The following FBXL7 variants were observed in gnomAD, a reference collection of about 807,000 sequenced individuals.
FBXL7 encodes F-box and leucine rich repeat protein 7, also known as F-box/LRR-repeat protein 7.
Under a neutral mutation model 38.3 loss-of-function variants are expected in FBXL7, and 12 were observed. The ratio of observed to expected loss-of-function variants is 0.31; its 90% CI spans 0.20 to 0.51. The LOEUF (loss-of-function observed/expected upper bound fraction) is 0.51, where lower values mean the gene tolerates loss of function less well. Ranked by LOEUF, FBXL7 falls within the 20% of genes least tolerant of loss-of-function variation. The pLI, the probability that FBXL7 is intolerant of heterozygous loss-of-function variation, is 0.98. For missense variants in FBXL7, 567 were observed against 676.4 expected (o/e 0.84, Z 1.79); for synonymous variants, 297 against 300.9 (o/e 0.99, Z 0.13).
intron 1 of FBXL7, among the ~76,000 whole-genome samples, chr5:15,568,490 C>A (rs1285302014): frequency 6.6e-6 from 1 of 151,922 alleles, no homozygotes; most frequent in Admixed American, 6.6e-5. Context: ...TGGATATTAG[C>A]CCTTTGTCAG....
chr5:15,637,659 C>T (rs1340789329), intron 2 of FBXL7, among the ~76,000 whole-genome samples: 1 of 152,086 alleles, frequency 6.6e-6, no homozygotes, highest in East Asian at 1.9e-4. Context: ...ACTCATTTAA[C>T]CCCAGAACCA....
At chr5:15,650,806 TGCA>T (rs1741683914) in intron 2 of FBXL7, among the ~76,000 whole-genome samples, 1 of 152,236 alleles carries the variant, frequency 6.6e-6, no homozygotes, top group Non-Finnish European at 1.5e-5. Flanking sequence ...ATCATGAGAT[TGCA>T]GCAATTCAGT....
chr5:15,931,852 T>G (rs1742044902), intron 3 of FBXL7, among the ~76,000 whole-genome samples: 1 of 152,140 alleles, frequency 6.6e-6, no homozygotes. Flanking sequence ...AACAGACTTT[T>G]CATTGCTTAA....
intron 2 of FBXL7, among the ~76,000 whole-genome samples, chr5:15,689,793 G>C (rs1743129066): frequency 6.6e-6 from 1 of 152,096 alleles, no homozygotes; most frequent in Non-Finnish European, 1.5e-5. Context: ...AACTTAAATG[G>C]CTGTCCCATT....
At position 15,539,864 on chromosome 5, in the gene FBXL7, C is replaced by A. The variant is rs529496643; in HGVS notation, c.37+39151C>A. On this transcript the variant is annotated intron_variant, in intron 1 of 3. Coordinates refer to ENST00000504595, the MANE Select transcript of FBXL7 (RefSeq NM_012304.5). ...TAAACAATTGTTTATAAGAATCCTG[C>A]ATTTTATTCTGTTTATGGATTTTTA... Among the ~76,000 whole-genome samples the A allele has an allele frequency of 5.3e-5, 8 of 152,166 alleles. No individual in the cohort carries two copies. The East Asian group carries it at 1.5e-3, about 29-fold the overall frequency.
At chr5:15,732,355 A>G (rs1157000660) in intron 2 of FBXL7, among the ~76,000 whole-genome samples, 5 of 152,222 alleles carry the variant, frequency 3.3e-5, no homozygotes, top group Non-Finnish European at 4.4e-5. Context: ...TATGGTTTAT[A>G]ATTTTTACTA....
chr5:15,639,885 ATTG>A (rs1741302725), intron 2 of FBXL7, among the ~76,000 whole-genome samples: 1 of 152,060 alleles, frequency 6.6e-6, no homozygotes, highest in Non-Finnish European at 1.5e-5. Flanking sequence ...GCTGAGTTCT[ATTG>A]TTCTTGCTTC....
intron 2 of FBXL7, among the ~76,000 whole-genome samples, chr5:15,835,428 G>A (rs1009253245): frequency 2.5e-4 from 38 of 152,198 alleles, no homozygotes; most frequent in African/African-American, 8.2e-4. Context: ...TATAATATGC[G>A]ATAGAATTTT....
chr5:15,533,503 A>G lies in FBXL7; in HGVS notation c.37+32790A>G, dbSNP rs905071027. On this transcript the variant is annotated intron_variant, in intron 1 of 3. Transcript: ENST00000504595. Reference sequence around the variant, plus strand: ...AATGGGTAAAGGAGCCATAATTTTCATCAGATTCTGAGTCAGGATACTTTA... The same window carrying G: ...AATGGGTAAAGGAGCCATAATTTTCGTCAGATTCTGAGTCAGGATACTTTA... Among the ~76,000 whole-genome samples the G allele has an allele frequency of 7.2e-5, 11 of 152,336 alleles. No homozygotes were observed. In the East Asian group the frequency reaches 2.1e-3, roughly 29 times the overall value.
intron 1 of FBXL7, among the ~76,000 whole-genome samples, chr5:15,527,121 T>C (rs1025188376): frequency 2.6e-5 from 4 of 152,228 alleles, no homozygotes; most frequent in African/African-American, 4.8e-5. Context: ...CTGTTTTGTT[T>C]CTCTCCATTT....
At chr5:15,518,424 C>T (rs16903898) in intron 1 of FBXL7, among the ~76,000 whole-genome samples, 4,799 of 152,222 alleles carry the variant, frequency 0.032, 248 homozygotes, top group African/African-American at 0.11. Flanking sequence ...AGATGCTATT[C>T]GTGAGCCCTC....
chr5:15,935,742 G>A (rs1039430064), intron 3 of FBXL7, among the ~76,000 whole-genome samples: 3 of 152,182 alleles, frequency 2.0e-5, no homozygotes, highest in African/African-American at 7.2e-5. Context: ...AGGTCACCTT[G>A]CTAGACTAAT....
At chr5:15,623,249 C>T (rs777785798) in intron 2 of FBXL7, among the ~76,000 whole-genome samples, 2 of 152,138 alleles carry the variant, frequency 1.3e-5, no homozygotes, top group African/African-American at 4.8e-5. Flanking sequence ...AAAGGATCTG[C>T]CCCGTAGGTA....
intron 1 of FBXL7, among the ~76,000 whole-genome samples, chr5:15,531,969 C>T (rs1737445528): frequency 6.6e-6 from 1 of 152,114 alleles, no homozygotes; most frequent in Non-Finnish European, 1.5e-5. Flanking sequence ...CATCTCTAAA[C>T]CATAGTATCT....
intron 2 of FBXL7, among the ~76,000 whole-genome samples, chr5:15,739,211 T>A (rs892735094): frequency 2.0e-5 from 3 of 152,138 alleles, no homozygotes; most frequent in African/African-American, 7.2e-5. Flanking sequence ...GGGACAGGAT[T>A]TCAGACTCCT....
Position 15,928,724 on chromosome 5 carries a change from T to A in FBXL7, c.739+223T>A, listed in dbSNP as rs62348106. Among the ~76,000 whole-genome samples, 16,224 of 152,076 alleles carry A rather than the reference T, an allele frequency of 0.11. 2,880 individuals carry two copies. Among genetic ancestry groups the A allele is most frequent in the African/African-American group, 0.37 (15,207 of 41,378 alleles). ...ATAATGTCCACTTCTTTTTTTTTTATTATTATACTTTAAGTTTTAGGGTAC... is the reference window on the plus strand; with the variant it reads ...ATAATGTCCACTTCTTTTTTTTTTAATATTATACTTTAAGTTTTAGGGTAC... On this transcript the variant is annotated intron_variant, in intron 3 of 3. Coordinates refer to ENST00000504595, the MANE Select transcript of FBXL7 (RefSeq NM_012304.5). This position sits in a 1 kb window ranked among gnomAD's most constrained non-coding sequence, Gnocchi z 4.0.
chr5:15,935,083 T>G, intron 3 of FBXL7: 1 of 512,378 alleles, frequency 2.0e-6, no homozygotes, highest in Non-Finnish European at 4.1e-6. Flanking sequence ...CCATTTCCAG[T>G]GCTCAGAGGC....
intron 2 of FBXL7, among the ~76,000 whole-genome samples, chr5:15,847,935 G>T (rs578242675): frequency 6.6e-6 from 1 of 152,282 alleles, no homozygotes; most frequent in South Asian, 2.1e-4. Context: ...CAACACCTAA[G>T]TTTGAAAGGG....
At chr5:15,867,762 A>C (rs1739776900) in intron 2 of FBXL7, among the ~76,000 whole-genome samples, 1 of 152,196 alleles carries the variant, frequency 6.6e-6, no homozygotes, top group African/African-American at 2.4e-5. Context: ...AAGAGGCAGG[A>C]AAGATTCAAA....
Sources: gnomAD v4.1 joint callset for allele counts (sites outside exome capture counted in the v4.1 genomes callset) on GRCh38, gnomAD v4.1.1 for gene constraint, Gnocchi (gnomAD v3.1) non-coding constraint, MANE v1.5 for transcripts, NCBI Gene and HGNC (gene_info 2026-07-23, HGNC 2026-07-21) for gene names.